Variants in SASH1 observed in about 807,000 individuals in gnomAD.
The protein encoded by SASH1 is SAM and SH3 domain containing 1, also known as SAM and SH3 domain-containing protein 1.
In SASH1, 44 loss-of-function variants were observed where a neutral mutation model predicts 125.2. That is an observed-to-expected ratio of 0.35 (90% CI 0.28 to 0.45). The LOEUF (loss-of-function observed/expected upper bound fraction) is 0.45. SASH1 is among the 20% of genes least tolerant of loss of function. The probability of loss-of-function intolerance (pLI) is 1.00; values close to 1 mark genes in which losing one functional copy is unlikely to be tolerated. For synonymous variants in SASH1, 639 were observed against 649.1 expected (o/e 0.98, Z 0.24); for missense variants, 1,426 against 1,614.5 (o/e 0.88, Z 2.00).
At chr6:148,399,278 C>G (rs980879772) in intron 2 of SASH1, among the ~76,000 whole-genome samples, 1 of 131,698 alleles carries the variant, frequency 7.6e-6, no homozygotes, top group East Asian at 2.4e-4. Flanking sequence ...GGTTCAGTGG[C>G]GTGATCTCGG....
chr6:148,278,327 G>A (rs1294460955), intron 1 of SASH1, among the ~76,000 whole-genome samples: 1 of 152,086 alleles, frequency 6.6e-6, no homozygotes, highest in African/African-American at 2.4e-5. Context: ...GTGAGCCACC[G>A]CACCCGGCCG....
intron 17 of SASH1, among the ~76,000 whole-genome samples, chr6:148,542,875 T>TGC (rs1249529152): frequency 3.1e-4 from 47 of 150,400 alleles, no homozygotes; most frequent in South Asian, 6.3e-4. Flanking sequence ...TGTGTGTGTG[T>TGC]GTGTGCGCGC....
rs1048384622 is a variant in SASH1 at position 148,549,342 on chromosome 6, T to C, written c.*784T>C. The C allele has an allele frequency of 6.0e-6, 2 of 331,450 alleles. No individual in the cohort carries two copies. The highest frequency in any genetic ancestry group is 1.1e-5 in the Non-Finnish European group (2 of 184,256). The allele number at this position is 331,450 out of a possible 1,614,324, so 20.5% of individuals were successfully genotyped here. A position where few individuals can be genotyped will look rare whatever the true frequency, so the allele number is the denominator to read the frequency against. On this transcript the variant is annotated 3_prime_UTR_variant, in exon 20 of 20. Transcript: ENST00000367467. ...CATCAGCCACACACTTCATGTTGGT[T>C]TTTGGTTTTTAAGCTAACTACAAAT...
intron 8 of SASH1, among the ~76,000 whole-genome samples, chr6:148,505,510 C>T (rs1779747554): frequency 6.6e-6 from 1 of 152,146 alleles, no homozygotes; most frequent in African/African-American, 2.4e-5. Flanking sequence ...CATGTTTCAC[C>T]ATGTTGGCCA....
intron 1 of SASH1, among the ~76,000 whole-genome samples, chr6:148,334,089 T>C (rs1781075329): frequency 6.8e-6 from 1 of 148,008 alleles, no homozygotes; most frequent in African/African-American, 2.5e-5. Flanking sequence ...CCCAAAGTGC[T>C]GGGATTACAG....
chr6:148,492,167 C>A (rs977173865), intron 8 of SASH1, among the ~76,000 whole-genome samples: 11 of 152,150 alleles, frequency 7.2e-5, no homozygotes, highest in African/African-American at 2.7e-4. Flanking sequence ...TGTAGTAAAA[C>A]CTCACACACT....
intron 2 of SASH1, among the ~76,000 whole-genome samples, chr6:148,396,908 T>C (rs78645294): frequency 0.016 from 2,377 of 152,326 alleles, 32 homozygotes; most frequent in Non-Finnish European, 0.024. Flanking sequence ...TCATCATAAG[T>C]GACTGTAACT....
chr6:148,490,052 T>A (rs1481810996), intron 8 of SASH1, among the ~76,000 whole-genome samples: 1 of 123,454 alleles, frequency 8.1e-6, no homozygotes, highest in Non-Finnish European at 1.8e-5. Flanking sequence ...CAAGATCATG[T>A]CTTCTGCAAA....
At chr6:148,477,754 A>G (rs898410606) in intron 7 of SASH1, among the ~76,000 whole-genome samples, 9 of 126,172 alleles carry the variant, frequency 7.1e-5, no homozygotes, top group African/African-American at 3.2e-4. Flanking sequence ...TTGGAGTGCA[A>G]TGGTGCAATC....
intron 2 of SASH1, among the ~76,000 whole-genome samples, chr6:148,420,434 A>G (rs1785010578): frequency 6.6e-6 from 1 of 152,202 alleles, no homozygotes; most frequent in Admixed American, 6.5e-5. Context: ...TGTCTGACAT[A>G]CATATCTGTT....
intron 2 of SASH1, among the ~76,000 whole-genome samples, chr6:148,414,572 G>A (rs1378604502): frequency 6.6e-6 from 1 of 152,210 alleles, no homozygotes; most frequent in Non-Finnish European, 1.5e-5. Flanking sequence ...CTTATTGAAT[G>A]CCTACAACGT....
intron 8 of SASH1, among the ~76,000 whole-genome samples, chr6:148,511,374 C>CA (rs3223305): frequency 2.2e-5 from 3 of 137,468 alleles, no homozygotes; most frequent in African/African-American, 8.1e-5. Context: ...CACACACACA[C>CA]CTTGGATGAC....
intron 1 of SASH1, among the ~76,000 whole-genome samples, chr6:148,368,774 A>G (rs149188415): frequency 1.3e-5 from 2 of 148,606 alleles, no homozygotes; most frequent in East Asian, 4.2e-4. Context: ...GCGCGCGCAC[A>G]CACACACACA....
the SASH1 span, among the ~76,000 whole-genome samples, chr6:148,253,015 C>T: frequency 2.0e-5 from 3 of 152,230 alleles, no homozygotes; most frequent in South Asian, 2.1e-4. Context: ...CCTCGGCACA[C>T]GTGCAAGCCA....
chr6:148,461,345 G>A (rs544245311), intron 4 of SASH1, among the ~76,000 whole-genome samples: 3 of 152,324 alleles, frequency 2.0e-5, no homozygotes, highest in East Asian at 3.9e-4. Context: ...GGAATAGACT[G>A]TGAAATGAAA....
At chr6:148,441,112 A>G (rs1233764676) in intron 4 of SASH1, among the ~76,000 whole-genome samples, 3 of 152,162 alleles carry the variant, frequency 2.0e-5, no homozygotes, top group Non-Finnish European at 4.4e-5. Flanking sequence ...GTGATCTTCC[A>G]TGGTAAAAAA....
the SASH1 span, among the ~76,000 whole-genome samples, chr6:148,255,815 G>T: frequency 2.0e-5 from 3 of 151,864 alleles, no homozygotes; most frequent in African/African-American, 7.3e-5. Context: ...GCTAATTTTT[G>T]CATTTTTGTA....
At chr6:148,234,843 A>AT in the SASH1 span, among the ~76,000 whole-genome samples, 1 of 151,350 alleles carries the variant, frequency 6.6e-6, no homozygotes, top group Non-Finnish European at 1.5e-5. Flanking sequence ...AAAAAAAAAA[A>AT]GAAGGAGGAG....
At chr6:148,538,978 C>A (rs1180385366) in intron 16 of SASH1, among the ~76,000 whole-genome samples, 3 of 152,184 alleles carry the variant, frequency 2.0e-5, no homozygotes, top group Admixed American at 2.0e-4. Flanking sequence ...ATGTAAGGCT[C>A]CATGTGCCCT....
Sources: allele counts gnomAD v4.1 joint callset (sites outside exome capture counted in the v4.1 genomes callset), GRCh38; gene constraint gnomAD v4.1.1; transcripts MANE v1.5; gene names NCBI Gene and HGNC (gene_info 2026-07-23, HGNC 2026-07-21).